The following SLC35F4 variants were observed in gnomAD, a reference collection of about 807,000 sequenced individuals.
SLC35F4 encodes the protein chromosome 14 open reading frame 36.
In SLC35F4, 24 loss-of-function variants were observed where a neutral mutation model predicts 44.2. The observed-to-expected ratio is 0.54, with a 90% CI of 0.39 to 0.76. SLC35F4 has a LOEUF of 0.76. Among genes scored for constraint, SLC35F4 ranks in the 30% least tolerant of loss-of-function variants. The pLI is 0.00. For missense variants in SLC35F4, 562 were observed against 586.1 expected, an observed-to-expected ratio of 0.96 and a Z score of 0.42; for synonymous variants, 238 against 223.6, an observed-to-expected ratio of 1.06 and a Z score of -0.57.
downstream of SLC35F4, among the ~76,000 whole-genome samples, chr14:57,972,761 A>T (rs572114669): frequency 3.6e-4 from 55 of 152,316 alleles, no homozygotes; most frequent in Non-Finnish European, 5.4e-4. Context: ...GAGTGAGAGC[A>T]TAGTAGCCAC....
chr14:57,834,023 C>T (rs549210141), intron 1 of SLC35F4, among the ~76,000 whole-genome samples: 17 of 152,256 alleles, frequency 1.1e-4, no homozygotes, highest in South Asian at 8.3e-4. Flanking sequence ...AAGTGAAACA[C>T]AAATGAAACA....
At chr14:57,913,417 C>CTT (rs1208807630) in intron 1 of SLC35F4, among the ~76,000 whole-genome samples, 1 of 151,930 alleles carries the variant, frequency 6.6e-6, no homozygotes, top group Non-Finnish European at 1.5e-5. Flanking sequence ...ATTTCCGCCC[C>CTT]TTTCTTAGCA....
At chr14:57,755,371 T>G (rs1460148783) in intron 1 of SLC35F4, among the ~76,000 whole-genome samples, 1 of 151,684 alleles carries the variant, frequency 6.6e-6, no homozygotes, top group Non-Finnish European at 1.5e-5. Flanking sequence ...ACCCAGAGAG[T>G]AGGGAGCAGA....
intron 1 of SLC35F4, among the ~76,000 whole-genome samples, chr14:57,671,409 G>C (rs187190643): frequency 6.6e-6 from 1 of 151,950 alleles, no homozygotes; most frequent in Non-Finnish European, 1.5e-5. Context: ...AGCAGGATAG[G>C]GTACTGACCA....
At position 57,964,991 on chromosome 14, in the gene SLC35F4, A is replaced by AATATAT. The variant is rs1212108605; in HGVS notation, n.282+16916_282+16921dup. ...CCATGGGGGAAAAAAAAAAAAAAAA[A>AATATAT]ATATATATATATATATATATAGTTT... On this transcript the variant is annotated intron_variant and non_coding_transcript_variant, in intron 1 of 1. Transcript: ENST00000556568. Among the ~76,000 whole-genome samples, 429 of 115,616 alleles carry AATATAT rather than the reference A, an allele frequency of 3.7e-3. 6 individuals are homozygous for AATATAT. The highest frequency in any genetic ancestry group is 0.014 in the African/African-American group (376 of 27,200). 75.8% of individuals were successfully genotyped at this position (115,616 alleles called of 152,430 possible).
intron 1 of SLC35F4, among the ~76,000 whole-genome samples, chr14:57,673,657 G>A (rs971645073): frequency 6.6e-6 from 1 of 152,010 alleles, no homozygotes; most frequent in Non-Finnish European, 1.5e-5. Flanking sequence ...TACTGTGGCA[G>A]GGTCAAGAGG....
chr14:57,899,731 A>G (rs1430832966), intron 1 of SLC35F4, among the ~76,000 whole-genome samples: 1 of 152,044 alleles, frequency 6.6e-6, no homozygotes, highest in Non-Finnish European at 1.5e-5. Flanking sequence ...CTTTGGTGGC[A>G]TTCTTGGGTT....
intron 1 of SLC35F4, among the ~76,000 whole-genome samples, chr14:57,757,017 T>C (rs2077010477): frequency 6.6e-6 from 1 of 152,156 alleles, no homozygotes; most frequent in South Asian, 2.1e-4. Context: ...TAATTGTGAA[T>C]GTTTTCATTT....
intron 1 of SLC35F4, among the ~76,000 whole-genome samples, chr14:57,959,282 T>C (rs921928271): frequency 6.6e-5 from 10 of 152,220 alleles, no homozygotes; most frequent in Admixed American, 2.0e-4. Context: ...TTCTCACTTA[T>C]GGTAGTAATG....
intron 1 of SLC35F4, among the ~76,000 whole-genome samples, chr14:57,731,617 G>A (rs948632336): frequency 6.6e-6 from 1 of 152,194 alleles, no homozygotes; most frequent in Non-Finnish European, 1.5e-5. Context: ...CTTTGTACCT[G>A]TCTCTCCTAA....
chr14:57,734,868 G>T (rs966538642), intron 1 of SLC35F4, among the ~76,000 whole-genome samples: 1 of 152,190 alleles, frequency 6.6e-6, no homozygotes, highest in Non-Finnish European at 1.5e-5. Context: ...TGAAACCTCA[G>T]TATAAAATAA....
chr14:57,626,055 A>G (rs1413874848), intron 1 of SLC35F4, among the ~76,000 whole-genome samples: 1 of 150,218 alleles, frequency 6.7e-6, no homozygotes, highest in African/African-American at 2.5e-5. Context: ...CATCATTCTC[A>G]GCAAACTAAC....
chr14:57,594,251 G>A (rs2139928973), intron 1 of SLC35F4, 127 bp from the exon 2 acceptor site: 13 of 892,674 alleles, frequency 1.5e-5, no homozygotes, highest in Non-Finnish European at 2.1e-5. Flanking sequence ...GTGCAGTGGT[G>A]TGATCTCGAG....
intron 4 of SLC35F4, among the ~76,000 whole-genome samples, chr14:57,574,544 A>G (rs906150383): frequency 3.9e-5 from 6 of 152,208 alleles, no homozygotes; most frequent in Non-Finnish European, 5.9e-5. Context: ...TTCCTGGGGC[A>G]GGGTGCGGGT....
chr14:57,884,294 C>T (rs191969574), intron 1 of SLC35F4, among the ~76,000 whole-genome samples: 4 of 152,236 alleles, frequency 2.6e-5, no homozygotes, highest in African/African-American at 9.6e-5. Flanking sequence ...AAGTAATCAC[C>T]TTTAATTTAA....
chr14:57,709,357 T>C (rs1387169214), intron 1 of SLC35F4, among the ~76,000 whole-genome samples: 2 of 152,144 alleles, frequency 1.3e-5, no homozygotes, highest in Non-Finnish European at 2.9e-5. Context: ...TGTCTTCTGG[T>C]CACTTCTCAC....
chr14:57,775,502 C>A (rs949058332), intron 1 of SLC35F4, among the ~76,000 whole-genome samples: 1 of 152,218 alleles, frequency 6.6e-6, no homozygotes, highest in Non-Finnish European at 1.5e-5. Flanking sequence ...ATCAGTCCCT[C>A]AGAATTACAA....
At chr14:57,848,827 G>A (rs191889366) in intron 1 of SLC35F4, among the ~76,000 whole-genome samples, 295 of 152,216 alleles carry the variant, frequency 1.9e-3, no homozygotes, top group Non-Finnish European at 1.6e-3. Context: ...AGGATTCCTC[G>A]ACTGTCACAC....
intron 4 of SLC35F4, among the ~76,000 whole-genome samples, chr14:57,580,131 T>G (rs992021360): frequency 6.6e-6 from 1 of 152,190 alleles, no homozygotes; most frequent in African/African-American, 2.4e-5. Context: ...TATCAAAACT[T>G]TCTACTTATT....
Sources: gnomAD v4.1 joint callset for allele counts (sites outside exome capture counted in the v4.1 genomes callset) on GRCh38, gnomAD v4.1.1 for gene constraint, MANE v1.5 for transcripts, NCBI Gene and HGNC (gene_info 2026-07-23, HGNC 2026-07-21) for gene names.